Variants in TUT4 observed in about 807,000 individuals in gnomAD.
The protein encoded by TUT4 is terminal uridylyltransferase 4.
A neutral mutation model predicts 192.2 loss-of-function variants in TUT4; 36 were observed. The ratio of observed to expected loss-of-function variants is 0.19; its 90% CI spans 0.14 to 0.25. TUT4 has a LOEUF of 0.25. Ranked by LOEUF, TUT4 falls within the 10% of genes least tolerant of loss-of-function variation. TUT4 has a pLI of 1.00. For synonymous variants in TUT4, 618 were observed against 666.0 expected (o/e 0.93, Z 1.11); for missense variants, 1,493 against 1,957.2 (o/e 0.76, Z 4.47).
intron 19 of TUT4, 134 bp downstream of exon 19, chr1:52,461,000 T>C (rs1465117694): frequency 2.2e-5 from 14 of 625,956 alleles, no homozygotes; most frequent in Admixed American, 1.2e-4. Flanking sequence ...ATTCAAGCTA[T>C]ATAATACTGA....
At chr1:52,436,223 C>T (rs1189175151) in intron 26 of TUT4, among the ~76,000 whole-genome samples, 10 of 152,120 alleles carry the variant, frequency 6.6e-5, no homozygotes, top group African/African-American at 1.2e-4. Context: ...CGGTGGCTCA[C>T]GCCTGTAATC....
At chr1:52,546,000 G>A (rs1298086512) in intron 1 of TUT4, among the ~76,000 whole-genome samples, 1 of 150,372 alleles carries the variant, frequency 6.7e-6, no homozygotes, top group Non-Finnish European at 1.5e-5. Context: ...TTGGCCAGGT[G>A]TGGTCGCAAG....
At chr1:52,499,380 A>C (rs1673470141) in intron 4 of TUT4, among the ~76,000 whole-genome samples, 1 of 152,178 alleles carries the variant, frequency 6.6e-6, no homozygotes. Context: ...CCTGGACAAC[A>C]GAGCAAGACT....
intron 26 of TUT4, among the ~76,000 whole-genome samples, chr1:52,436,427 A>G (rs1653814222): frequency 1.3e-5 from 2 of 152,198 alleles, no homozygotes; most frequent in South Asian, 4.1e-4. Context: ...CAGAGGTTGC[A>G]GTGAGCCGAG....
chr1:52,453,057 C>T (rs1659892199), intron 20 of TUT4, among the ~76,000 whole-genome samples: 1 of 152,118 alleles, frequency 6.6e-6, no homozygotes, highest in South Asian at 2.1e-4. Context: ...CAGAAGTCTT[C>T]TGTGATTATT....
intron 9 of TUT4, among the ~76,000 whole-genome samples, chr1:52,483,644 T>C (rs750944604): frequency 3.9e-5 from 6 of 152,026 alleles, no homozygotes; most frequent in Non-Finnish European, 5.9e-5. Context: ...ACCCTGTCTC[T>C]ACTAAAAATA....
At chr1:52,488,316 ATC>A (rs1670300389) in intron 9 of TUT4, among the ~76,000 whole-genome samples, 1 of 152,202 alleles carries the variant, frequency 6.6e-6, no homozygotes, top group South Asian at 2.1e-4. Context: ...AAAGGCTAAA[ATC>A]TCTCTCTCTA....
chr1:52,481,569 C>G lies in TUT4; in HGVS notation c.1702G>C (p.Val568Leu). Residue 568 changes from valine (V) to leucine (L), a missense_variant, in exon 11 of 30, where the codon GTG (valine) becomes CTG (leucine). By Grantham distance (32) the Val-to-Leu change is conservative. Coordinates refer to ENST00000257177, the MANE Select transcript of TUT4 (RefSeq NM_001009881.3). The part of the protein sequence containing the change: ...QLKGIVEEKF[V>L]KWECNSSSAT... ...CTACTTGAATTACATTCCCACTTCA[C>G]AAACTTCTCTTCTACTATGCCCTTC... is the stretch of plus-strand genomic sequence containing the variant. 6.2e-7 allele frequency: 1 copy of G among 1,613,772 alleles called. No individual in the cohort carries two copies. Among genetic ancestry groups the G allele is most frequent in the Non-Finnish European group, 8.5e-7 (1 of 1,179,954 alleles).
chr1:52,508,727 G>C (rs1676306222), intron 4 of TUT4, among the ~76,000 whole-genome samples: 1 of 152,126 alleles, frequency 6.6e-6, no homozygotes, highest in African/African-American at 2.4e-5. Context: ...TCTTAAAGAA[G>C]ATACATGAGC....
chr1:52,521,266 A>G (rs1680195836), intron 2 of TUT4, among the ~76,000 whole-genome samples: 1 of 152,240 alleles, frequency 6.6e-6, no homozygotes, highest in South Asian at 2.1e-4. Context: ...GAATGAATGA[A>G]TAAATGACAA....
intron 12 of TUT4, 68 bp from the exon 13 acceptor site, chr1:52,475,603 G>A: frequency 7.2e-7 from 1 of 1,379,848 alleles, no homozygotes; most frequent in African/African-American, 1.4e-5. Context: ...GCTCATACAA[G>A]TAGATCTTAA....
At chr1:52,442,918 A>T (rs1314299674) in intron 24 of TUT4, among the ~76,000 whole-genome samples, 1 of 152,244 alleles carries the variant, frequency 6.6e-6, no homozygotes, top group Non-Finnish European at 1.5e-5. Flanking sequence ...ATTAAGAATT[A>T]CTAAAAATTT....
At position 52,525,578 on chromosome 1, in the gene TUT4, C is replaced by T. The variant is rs1292361988; in HGVS notation, c.703G>A (p.Val235Ile). The change falls in exon 2 of 30, where the codon GTA (valine) becomes ATA (isoleucine). Residue 235 changes from valine (V) to isoleucine (I), a missense_variant. This residue lies in a region of TUT4 where 437 missense variants were observed against 577.6 expected (regional missense o/e 0.76). Transcript: ENST00000257177. Reference sequence around the variant, plus strand: ...AATGACTTACTTAAATCGTCCGATACGTCTTCAATTCCTGAAGCACTATCA... The same window carrying T: ...AATGACTTACTTAAATCGTCCGATATGTCTTCAATTCCTGAAGCACTATCA... ...SDDSASGIED[V>I]SDDLSKMKND... The T allele has an allele frequency of 3.7e-6, 6 of 1,607,814 alleles. No individual in the cohort carries two copies. Among genetic ancestry groups the T allele is most frequent in the Admixed American group, 1.7e-5 (1 of 59,300 alleles).
intron 12 of TUT4, 111 bp from the exon 13 acceptor site, chr1:52,475,646 AGGGGTT>A: frequency 9.3e-7 from 1 of 1,077,242 alleles, no homozygotes; most frequent in South Asian, 1.8e-5. Context: ...CATTTTCCCA[AGGGGTT>A]TTTCTAAGCT....
chr1:52,425,791 G>A (rs1461186253), intron 28 of TUT4, among the ~76,000 whole-genome samples: 1 of 145,820 alleles, frequency 6.9e-6, no homozygotes, highest in Non-Finnish European at 1.5e-5. Flanking sequence ...GTCTTTGAAG[G>A]TTAGAGACAG....
intron 1 of TUT4, among the ~76,000 whole-genome samples, chr1:52,541,394 T>C (rs923608311): frequency 1.3e-5 from 2 of 151,692 alleles, no homozygotes; most frequent in East Asian, 1.9e-4. Context: ...TAGCTGAACA[T>C]GGTGGCAGGC....
At chr1:52,524,042 A>G (rs1191267222) in intron 2 of TUT4, among the ~76,000 whole-genome samples, 1 of 152,242 alleles carries the variant, frequency 6.6e-6, no homozygotes, top group Non-Finnish European at 1.5e-5. Context: ...AAAGTTACTC[A>G]AAAGACATAG....
intron 20 of TUT4, among the ~76,000 whole-genome samples, chr1:52,452,209 C>A (rs570577699): frequency 6.6e-6 from 1 of 152,080 alleles, no homozygotes; most frequent in Non-Finnish European, 1.5e-5. Flanking sequence ...AATTCCTCAA[C>A]AAAATATTAG....
At chr1:52,516,699 C>G (rs1214681401) in intron 2 of TUT4, among the ~76,000 whole-genome samples, 1 of 152,188 alleles carries the variant, frequency 6.6e-6, no homozygotes, top group Non-Finnish European at 1.5e-5. Context: ...TAAACCAAAT[C>G]ACCTTATTCT....
Sources: allele counts gnomAD v4.1 joint callset (sites outside exome capture counted in the v4.1 genomes callset), GRCh38; gene constraint gnomAD v4.1.1; regional missense constraint gnomAD v4.1.1; transcripts MANE v1.5; gene names NCBI Gene and HGNC (gene_info 2026-07-23, HGNC 2026-07-21).